PPFIBP2: variants seen among roughly 807,000 people sequenced by gnomAD.
PPFIBP2 encodes PPFIB scaffold protein 2.
In PPFIBP2, 118 loss-of-function variants were observed where a neutral mutation model predicts 118.3. The ratio of observed to expected loss-of-function variants is 1.00; its 90% CI spans 0.86 to 1.16. The LOEUF (loss-of-function observed/expected upper bound fraction) is 1.16, where lower values mean the gene tolerates loss of function less well. Ranked by LOEUF, PPFIBP2 falls within the 50% of genes most tolerant of loss-of-function variation. The probability of loss-of-function intolerance (pLI) is 0.00; values close to 1 mark genes in which losing one functional copy is unlikely to be tolerated. For missense variants in PPFIBP2, 1,195 were observed against 1,073.1 expected (o/e 1.11, Z -1.59); for synonymous variants, 414 against 397.4 (o/e 1.04, Z -0.50).
intron 17 of PPFIBP2, among the ~76,000 whole-genome samples, chr11:7,642,789 T>C (rs143225219): frequency 6.6e-6 from 1 of 152,342 alleles, no homozygotes; most frequent in East Asian, 1.9e-4. Flanking sequence ...CAGATGTCCG[T>C]TCTCAGAAAT....
chr11:7,592,129 C>A (rs1859432868), intron 3 of PPFIBP2, among the ~76,000 whole-genome samples: 1 of 152,178 alleles, frequency 6.6e-6, no homozygotes, highest in African/African-American at 2.4e-5. Flanking sequence ...ATACTCAGTT[C>A]CACATTTAGC....
At chr11:7,592,301 A>G (rs1240326160) in intron 3 of PPFIBP2, among the ~76,000 whole-genome samples, 1 of 152,080 alleles carries the variant, frequency 6.6e-6, no homozygotes, top group Non-Finnish European at 1.5e-5. Flanking sequence ...GACACACCCA[A>G]GAAAGTGACA....
intron 5 of PPFIBP2, among the ~76,000 whole-genome samples, chr11:7,601,651 T>C (rs1846644065): frequency 6.6e-6 from 1 of 152,160 alleles, no homozygotes. Flanking sequence ...CCCAGGAAAC[T>C]TTCCCCATTA....
At chr11:7,533,779 G>A (rs988469755) in intron 1 of PPFIBP2, among the ~76,000 whole-genome samples, 4 of 152,212 alleles carry the variant, frequency 2.6e-5, no homozygotes, top group Non-Finnish European at 4.4e-5. Flanking sequence ...AGGGTAGGAC[G>A]TGGTCCAGTG....
intron 3 of PPFIBP2, among the ~76,000 whole-genome samples, chr11:7,566,039 TCA>T (rs10617506): frequency 0.53 from 77,860 of 146,366 alleles, 21,908 homozygotes; most frequent in African/African-American, 0.77. Context: ...ATTTAAGATT[TCA>T]CACACACACA....
intron 1 of PPFIBP2, among the ~76,000 whole-genome samples, chr11:7,530,017 C>T (rs1300171475): frequency 1.3e-5 from 2 of 152,252 alleles, no homozygotes; most frequent in Non-Finnish European, 2.9e-5. Context: ...GATTTGGCAA[C>T]TTCTCAAAGG....
At chr11:7,559,887 AG>A (rs1399617815) in intron 2 of PPFIBP2, among the ~76,000 whole-genome samples, 2 of 152,188 alleles carry the variant, frequency 1.3e-5, no homozygotes, top group Non-Finnish European at 2.9e-5. Context: ...CTGGTACCCA[AG>A]GTTTTTACTG....
chr11:7,596,388 T>TG, intron 4 of PPFIBP2, among the ~76,000 whole-genome samples: 1 of 122,274 alleles, frequency 8.2e-6, no homozygotes, highest in South Asian at 2.5e-4. Context: ...AGCCCGTTCT[T>TG]GTTTTTTTTT....
chr11:7,515,183 C>G (rs1189814880), intron 1 of PPFIBP2, among the ~76,000 whole-genome samples: 3 of 152,176 alleles, frequency 2.0e-5, no homozygotes, highest in Non-Finnish European at 4.4e-5. Flanking sequence ...CCCATTTGTA[C>G]TTTGCTTAAA....
At chr11:7,549,566 A>G in intron 2 of PPFIBP2, 27 bp downstream of exon 2, 2 of 1,528,120 alleles carry the variant, frequency 1.3e-6, no homozygotes, top group Non-Finnish European at 1.8e-6. Context: ...CCAGCAACCA[A>G]GGTCTCATCC....
chr11:7,602,136 T>A (rs546959587), intron 5 of PPFIBP2, among the ~76,000 whole-genome samples: 97 of 150,468 alleles, frequency 6.4e-4, no homozygotes, highest in African/African-American at 2.3e-3. Flanking sequence ...CAAAAGGATC[T>A]TTAAGGGAGG....
chr11:7,573,075 T>A (rs1855834301), intron 3 of PPFIBP2, among the ~76,000 whole-genome samples: 1 of 152,222 alleles, frequency 6.6e-6, no homozygotes. Context: ...CCACCATACC[T>A]GGCCTTGAGG....
At chr11:7,582,636 C>A (rs1166173339) in intron 3 of PPFIBP2, among the ~76,000 whole-genome samples, 1 of 151,942 alleles carries the variant, frequency 6.6e-6, no homozygotes, top group Non-Finnish European at 1.5e-5. Context: ...TCCCTTCCTC[C>A]ATAGCAGCTC....
chr11:7,545,127 A>C (rs1852196930), intron 1 of PPFIBP2, among the ~76,000 whole-genome samples: 1 of 152,020 alleles, frequency 6.6e-6, no homozygotes, highest in Non-Finnish European at 1.5e-5. Context: ...CCGTCCAGTA[A>C]GGTATTTTGA....
intron 2 of PPFIBP2, among the ~76,000 whole-genome samples, chr11:7,553,496 G>C (rs984302142): frequency 6.6e-6 from 1 of 152,112 alleles, no homozygotes; most frequent in Non-Finnish European, 1.5e-5. Flanking sequence ...GAACCAAATT[G>C]GGCCAAAGAG....
intron 3 of PPFIBP2, among the ~76,000 whole-genome samples, chr11:7,586,499 A>G (rs1296611749): frequency 1.3e-5 from 2 of 152,234 alleles, no homozygotes; most frequent in South Asian, 4.1e-4. Flanking sequence ...GCACCCTACT[A>G]TAAAGAGCAC....
the PPFIBP2 span, chr11:7,665,859 T>C: frequency 6.5e-7 from 1 of 1,535,780 alleles, no homozygotes; most frequent in African/African-American, 1.4e-5. Flanking sequence ...CCAGCTGGAG[T>C]TGTCCGGCAG....
chr11:7,539,112 T>G (rs61890190), intron 1 of PPFIBP2: 5,178 of 152,364 alleles, frequency 0.034, 130 homozygotes, highest in Non-Finnish European at 0.057. Flanking sequence ...AAGCTTCTAT[T>G]CATTGACAAA....
intron 3 of PPFIBP2, among the ~76,000 whole-genome samples, chr11:7,566,727 T>G (rs1855028113): frequency 9.3e-6 from 1 of 106,976 alleles, no homozygotes; most frequent in Non-Finnish European, 1.8e-5. Flanking sequence ...TTAAAGTTTT[T>G]TATTTGTACA....
Sources: gnomAD v4.1 joint callset for allele counts (sites outside exome capture counted in the v4.1 genomes callset) on GRCh38, gnomAD v4.1.1 for gene constraint, MANE v1.5 for transcripts, NCBI Gene and HGNC (gene_info 2026-07-23, HGNC 2026-07-21) for gene names.